Variants in VARS1 observed in about 807,000 individuals in gnomAD.
VARS1 encodes valine--tRNA ligase.
A neutral mutation model predicts 161.0 loss-of-function variants in VARS1; 92 were observed. That is an observed-to-expected ratio of 0.57 (90% CI 0.48 to 0.68). The LOEUF (loss-of-function observed/expected upper bound fraction) is 0.68, where lower values mean the gene tolerates loss of function less well. Among genes scored for constraint, VARS1 ranks in the 30% least tolerant of loss-of-function variants. VARS1 has a pLI of 0.00. For missense variants in VARS1, 1,338 were observed against 1,695.9 expected, an observed-to-expected ratio of 0.79 and a Z score of 3.71; for synonymous variants, 595 against 682.5, an observed-to-expected ratio of 0.87 and a Z score of 2.00.
rs1361128345 is a variant in VARS1, at chr6:31,781,677, C to T, written c.2418+14G>A. 2 of 1,613,004 alleles carry T rather than the reference C, an allele frequency of 1.2e-6. No homozygotes were observed. Among genetic ancestry groups the T allele is most frequent in the East Asian group, 2.2e-5 (1 of 44,874 alleles). ...AGTCCCCTGTCCCGCCAAGCCCCGG[C>T]CCCAGGAACACACCTGGTTGGGCCA... On this transcript the variant is annotated intron_variant, in intron 20 of 29. Coordinates refer to ENST00000375663, the MANE Select transcript of VARS1 (RefSeq NM_006295.3). The surrounding 1 kb of genome is among the most constrained non-coding windows in gnomAD (Gnocchi z 6.8).
rs707927 is a variant in VARS1 at position 31,777,741 on chromosome 6, A to G, written c.3727-79T>C. On this transcript the variant is annotated intron_variant, in intron 29 of 29. Coordinates refer to ENST00000375663, the MANE Select transcript of VARS1 (RefSeq NM_006295.3). The surrounding 1 kb of genome is among the most constrained non-coding windows in gnomAD (Gnocchi z 5.8). Reference sequence around the variant, plus strand: ...CAAACACCCAGGACAACAAAGTTGGAAAGATGAGCGAGGACCATGGGAGGT... The same window carrying G: ...CAAACACCCAGGACAACAAAGTTGGGAAGATGAGCGAGGACCATGGGAGGT... 55,862 of 1,529,528 alleles carry G rather than the reference A, an allele frequency of 0.037. 1,815 individuals are homozygous for G. Among genetic ancestry groups the G allele is most frequent in the African/African-American group, 0.14 (10,467 of 72,714 alleles). The allele number at this position is 1,529,528 out of a possible 1,614,324, so 94.7% of individuals were successfully genotyped here. A position where few individuals can be genotyped will look rare whatever the true frequency, so the allele number is the denominator to read the frequency against.
chr6:31,777,772 G>A lies in VARS1; in HGVS notation c.3727-110C>T. 1 of 1,317,554 alleles carries A rather than the reference G, an allele frequency of 7.6e-7. No individual in the cohort carries two copies. The highest frequency in any genetic ancestry group is 1.1e-6 in the Non-Finnish European group (1 of 941,100). The allele number at this position is 1,317,554 out of a possible 1,614,324, so 81.6% of individuals were successfully genotyped here. ...GAGCGAGGACCATGGGAGGTCAGTAGCTCAGAGGAGGCGTGAACCTGGCTG... is the reference window on the plus strand; with the variant it reads ...GAGCGAGGACCATGGGAGGTCAGTAACTCAGAGGAGGCGTGAACCTGGCTG... On this transcript the variant is annotated intron_variant, in intron 29 of 29. Transcript: ENST00000375663. The surrounding 1 kb of genome is among the most constrained non-coding windows in gnomAD (Gnocchi z 5.8).
rs753412433 is a variant in VARS1, at chr6:31,779,632, AAC to A, written c.3262_3263del (p.Val1088TyrfsTer21). 1.8e-5 allele frequency: 29 copies of A among 1,612,762 alleles called. No homozygotes were observed. The highest frequency in any genetic ancestry group is 1.1e-5 in the Non-Finnish European group (13 of 1,179,898). On this transcript the variant is annotated frameshift_variant, in exon 27 of 30. Coordinates refer to ENST00000375663, the MANE Select transcript of VARS1 (RefSeq NM_006295.3). LOFTEE classifies it high-confidence loss of function. The surrounding 1 kb of genome is among the most constrained non-coding windows in gnomAD (Gnocchi z 9.1). ...RMPQAPPSLC[V>X]TPYPEPSECS... The stretch of plus-strand genomic sequence containing the variant: ...CCTCTGAGGGCTCCGGGTAGGGGGT[AAC>A]ACAGAGGCTAGGGGGAGCTTGCGGC...
In VARS1 at chr6:31,791,161, A is replaced by T. The variant is rs72842403; in HGVS notation, c.1100+449T>A. Among the ~76,000 whole-genome samples, 812 of 152,024 alleles carry T rather than the reference A, an allele frequency of 5.3e-3. 6 individuals carry two copies. Among genetic ancestry groups the T allele is most frequent in the South Asian group, 0.01 (49 of 4,828 alleles). ...ACAAGACTCTGTCCCCCCAAAAAAA[A>T]ATATATATATTCATATGTTCCTAAT... On this transcript the variant is annotated intron_variant, in intron 8 of 29. Coordinates refer to ENST00000375663, the MANE Select transcript of VARS1 (RefSeq NM_006295.3). This position sits in a 1 kb window ranked among gnomAD's most constrained non-coding sequence, Gnocchi z 5.0.
Position 31,781,175 on chromosome 6 carries a change from C to G in VARS1, c.2545-52G>C. 1 of 1,590,112 alleles carries G rather than the reference C, an allele frequency of 6.3e-7. No homozygotes were observed. The highest frequency in any genetic ancestry group is 8.6e-7 in the Non-Finnish European group (1 of 1,163,882). On this transcript the variant is annotated intron_variant, in intron 21 of 29. Transcript: ENST00000375663. This position sits in a 1 kb window ranked among gnomAD's most constrained non-coding sequence, Gnocchi z 6.8. ...AGACTCAGTCCTCTCCTTCCCCGGCCTCAGTGCCCCGACCAGGACTGTGTC... is the reference window on the plus strand; with the variant it reads ...AGACTCAGTCCTCTCCTTCCCCGGCGTCAGTGCCCCGACCAGGACTGTGTC...
chr6:31,782,731 G>C lies in VARS1; in HGVS notation c.1877C>G (p.Pro626Arg). Residue 626 changes from proline (P) to arginine (R), a missense_variant, in exon 15 of 30, where the codon CCG becomes CGG. Pro to Arg is a moderately radical substitution (Grantham distance 103). Around this residue, in one of 3 missense-constraint regions of VARS1, gnomAD observed 902 missense variants for 1,090.3 expected, o/e 0.83. Transcript: ENST00000375663. The surrounding 1 kb of genome is among the most constrained non-coding windows in gnomAD (Gnocchi z 8.3). ...CTCAGGCAGCCTCACCAGGAAAGGC[G>C]GAGGCACATTGATGAGGGCCCCCCG... ...DSRGALINVP[P>R]PFLGLPRFEA... 1.2e-6 allele frequency: 2 copies of C among 1,613,044 alleles called. No individual in the cohort carries two copies. Among genetic ancestry groups the C allele is most frequent in the Non-Finnish European group, 1.7e-6 (2 of 1,180,008 alleles).
rs769763433 is a variant in VARS1, at chr6:31,785,223, G to A, written c.1347+23C>T. On this transcript the variant is annotated intron_variant, in intron 10 of 29. Coordinates refer to ENST00000375663, the MANE Select transcript of VARS1 (RefSeq NM_006295.3). This position sits in a 1 kb window ranked among gnomAD's most constrained non-coding sequence, Gnocchi z 6.1. ...TGGGGAGACTCCTACTCCTGCCCCA[G>A]CTTTGACACTCCTCCCACGCACAGG... 6.2e-7 allele frequency: 1 copy of A among 1,612,924 alleles called. No individual in the cohort carries two copies. The highest frequency in any genetic ancestry group is 8.5e-7 in the Non-Finnish European group (1 of 1,179,902).
Position 31,781,219 on chromosome 6 carries a change from A to G in VARS1, c.2545-96T>C. On this transcript the variant is annotated intron_variant, in intron 21 of 29. Coordinates refer to ENST00000375663, the MANE Select transcript of VARS1 (RefSeq NM_006295.3). The surrounding 1 kb of genome is among the most constrained non-coding windows in gnomAD (Gnocchi z 6.8). ...CTGTGTCTGGTCTACCCCACTGTGA[A>G]CCTCAGGTCCCACTGAGTGTCCCCA... 1 of 1,417,528 alleles carries G rather than the reference A, an allele frequency of 7.1e-7. No individual in the cohort carries two copies. Among genetic ancestry groups the G allele is most frequent in the Non-Finnish European group, 9.8e-7 (1 of 1,024,336 alleles). The allele number at this position is 1,417,528 out of a possible 1,614,324, so 87.8% of individuals were successfully genotyped here.
At position 31,793,133 on chromosome 6, in the gene VARS1, G is replaced by A; in HGVS notation, c.388-13C>T. On this transcript the variant is annotated splice_polypyrimidine_tract_variant and intron_variant, in intron 2 of 29. Coordinates refer to ENST00000375663, the MANE Select transcript of VARS1 (RefSeq NM_006295.3). ...CCCCCAGCACAGCCTGGCAGGAAGG[G>A]GAAGAAGTGTGAGACAAGGTTTGGC... 6.3e-7 allele frequency: 1 copy of A among 1,579,648 alleles called. No individual in the cohort carries two copies. The highest frequency in any genetic ancestry group is 8.5e-7 in the Non-Finnish European group (1 of 1,170,560).
In VARS1 at chr6:31,781,174, C is replaced by A; in HGVS notation, c.2545-51G>T. On this transcript the variant is annotated intron_variant, in intron 21 of 29. Transcript: ENST00000375663. This position sits in a 1 kb window ranked among gnomAD's most constrained non-coding sequence, Gnocchi z 6.8. ...GAGACTCAGTCCTCTCCTTCCCCGG[C>A]CTCAGTGCCCCGACCAGGACTGTGT... 6.3e-7 allele frequency: 1 copy of A among 1,589,450 alleles called. No individual in the cohort carries two copies. Among genetic ancestry groups the A allele is most frequent in the Non-Finnish European group, 8.6e-7 (1 of 1,163,306 alleles).
Position 31,792,848 on chromosome 6 carries a change from C to T in VARS1, c.570G>A (p.Trp190Ter). 1 of 1,614,198 alleles carries T rather than the reference C, an allele frequency of 6.2e-7. No homozygotes were observed. Among genetic ancestry groups the T allele is most frequent in the Non-Finnish European group, 8.5e-7 (1 of 1,180,038 alleles). The change falls in exon 4 of 30, where the codon TGG becomes TGA. Residue 190 changes from tryptophan to a stop codon, truncating the protein, a stop_gained. Coordinates refer to ENST00000375663, the MANE Select transcript of VARS1 (RefSeq NM_006295.3). LOFTEE classifies it high-confidence loss of function. The stretch of plus-strand genomic sequence containing the variant: ...CTGGCTGCCGGACACACGTGACAAA[C>T]CAGCGAGTCACATTATTCCAGATCC... The part of the protein sequence containing the change: ...ARRIWNNVTR[W>*]FVTCVRQPEF...
rs1813390241 is a variant in VARS1 at position 31,784,735 on chromosome 6, G to T, written c.1348-21C>A. ...AGTTTCTGGGGTGGAGGAGGGAGAA[G>T]TCAGAGAGATGGGCCTTGTGCCTGG... On this transcript the variant is annotated intron_variant, in intron 10 of 29. Transcript: ENST00000375663. The surrounding 1 kb of genome is among the most constrained non-coding windows in gnomAD (Gnocchi z 6.1). 1 of 1,612,820 alleles carries T rather than the reference G, an allele frequency of 6.2e-7. No homozygotes were observed. The highest frequency in any genetic ancestry group is 1.3e-5 in the African/African-American group (1 of 75,054).
Position 31,791,962 on chromosome 6 carries a change from C to T in VARS1, c.881G>A (p.Gly294Asp), listed in dbSNP as rs5030796. 4 of 1,589,324 alleles carry T rather than the reference C, an allele frequency of 2.5e-6. No homozygotes were observed. Among genetic ancestry groups the T allele is most frequent in the Admixed American group, 1.7e-5 (1 of 57,720 alleles). ...AGGGCTGTAGGAGTCGGGCATGGGGCCACTGACATCTGGGGGAGAGGAAGG... is the reference window on the plus strand; with the variant it reads ...AGGGCTGTAGGAGTCGGGCATGGGGTCACTGACATCTGGGGGAGAGGAAGG... ...TPPGEKKDVS[G>D]PMPDSYSPRY... Residue 294 changes from glycine (G) to aspartate (D), a missense_variant, in exon 7 of 30, where the codon GGC becomes GAC. Coordinates refer to ENST00000375663, the MANE Select transcript of VARS1 (RefSeq NM_006295.3). The surrounding 1 kb of genome is among the most constrained non-coding windows in gnomAD (Gnocchi z 5.0).
chr6:31,786,453 G>C (rs1259864091), intron 8 of VARS1, among the ~76,000 whole-genome samples: 1 of 152,010 alleles, frequency 6.6e-6, no homozygotes, highest in Non-Finnish European at 1.5e-5. Context: ...GATCACTTGA[G>C]GACAGGAGTT....
rs772032197 is a variant in VARS1 at position 31,785,195 on chromosome 6, C to A, written c.1347+51G>T. The stretch of plus-strand genomic sequence containing the variant: ...TCTGCTTTCTCCTGTGGGGGTCCCA[C>A]CCTGGGGAGACTCCTACTCCTGCCC... On this transcript the variant is annotated intron_variant, in intron 10 of 29. Coordinates refer to ENST00000375663, the MANE Select transcript of VARS1 (RefSeq NM_006295.3). This position sits in a 1 kb window ranked among gnomAD's most constrained non-coding sequence, Gnocchi z 6.1. 3.7e-5 allele frequency: 59 copies of A among 1,609,048 alleles called. No homozygotes were observed. Among genetic ancestry groups the A allele is most frequent in the South Asian group, 2.7e-4 (25 of 90,956 alleles).
Position 31,781,361 on chromosome 6 carries a change from C to T in VARS1, c.2544+120G>A. 6.9e-7 allele frequency: 1 copy of T among 1,453,448 alleles called. No homozygotes were observed. Among genetic ancestry groups the T allele is most frequent in the Non-Finnish European group, 9.2e-7 (1 of 1,089,034 alleles). The allele number at this position is 1,453,448 out of a possible 1,614,324, so 90.0% of individuals were successfully genotyped here. ...GGCTGGATTTCAACCCCACACCAGCCCCCGGGTCAGGCCTGCCCACAGCTA... is the reference window on the plus strand; with the variant it reads ...GGCTGGATTTCAACCCCACACCAGCTCCCGGGTCAGGCCTGCCCACAGCTA... On this transcript the variant is annotated intron_variant, in intron 21 of 29. Coordinates refer to ENST00000375663, the MANE Select transcript of VARS1 (RefSeq NM_006295.3). This position sits in a 1 kb window ranked among gnomAD's most constrained non-coding sequence, Gnocchi z 6.8.
Position 31,778,780 on chromosome 6 carries a change from T to G in VARS1, c.3726+187A>C. On this transcript the variant is annotated intron_variant, in intron 29 of 29. Transcript: ENST00000375663. This position sits in a 1 kb window ranked among gnomAD's most constrained non-coding sequence, Gnocchi z 5.1. Reference sequence around the variant, plus strand: ...CCTTGGCCTCCCAAATTTCTGGGATTACAGGTGTGAGCCACTGAGCCAGGC... The same window carrying G: ...CCTTGGCCTCCCAAATTTCTGGGATGACAGGTGTGAGCCACTGAGCCAGGC... 1.3e-6 allele frequency: 1 copy of G among 793,526 alleles called. No homozygotes were observed. Among genetic ancestry groups the G allele is most frequent in the Non-Finnish European group, 1.9e-6 (1 of 514,256 alleles). The allele number at this position is 793,526 out of a possible 1,614,324, so 49.2% of individuals were successfully genotyped here. A position where few individuals can be genotyped will look rare whatever the true frequency, so the allele number is the denominator to read the frequency against.
chr6:31,784,220 T>C lies in VARS1; in HGVS notation c.1665A>G (p.Arg555=). The change falls in exon 13 of 30, where the codon AGA becomes AGG. Residue 555 remains arginine (R), a synonymous_variant. Coordinates refer to ENST00000375663, the MANE Select transcript of VARS1 (RefSeq NM_006295.3). This position sits in a 1 kb window ranked among gnomAD's most constrained non-coding sequence, Gnocchi z 6.1. ...ACTGTGGACAGTCCCCCACCTGGTATCTGGTATCTTTGGGGTGCACAGCTA... is the reference window on the plus strand; with the variant it reads ...ACTGTGGACAGTCCCCCACCTGGTACCTGGTATCTTTGGGGTGCACAGCTA... ...VAVAVHPKDT[R]YQHLKGKNVI... The C allele has an allele frequency of 6.2e-7, 1 of 1,614,208 alleles. No homozygotes were observed. Among genetic ancestry groups the C allele is most frequent in the South Asian group, 1.1e-5 (1 of 91,092 alleles).
intron 4 of VARS1, 112 bp downstream of exon 4, chr6:31,792,645 C>T: frequency 6.3e-7 from 1 of 1,592,960 alleles, no homozygotes; most frequent in Non-Finnish European, 8.6e-7. Flanking sequence ...TCTCCCTCCT[C>T]TCCCGCAGGA....
Sources: allele counts gnomAD v4.1 joint callset (sites outside exome capture counted in the v4.1 genomes callset), GRCh38; gene constraint gnomAD v4.1.1; regional missense constraint gnomAD v4.1.1; non-coding constraint Gnocchi (gnomAD v3.1); transcripts MANE v1.5; gene names NCBI Gene and HGNC (gene_info 2026-07-23, HGNC 2026-07-21).